The following HELZ variants were observed in gnomAD, a reference collection of about 807,000 sequenced individuals.
HELZ encodes ATP-dependent RNA helicase with zinc finger domain.
HELZ carries 23 observed loss-of-function variants against 218.2 expected under a neutral mutation model. The ratio of observed to expected loss-of-function variants is 0.11; its 90% CI spans 0.08 to 0.15. HELZ has a LOEUF of 0.15. HELZ is among the 10% of genes least tolerant of loss of function. The probability of loss-of-function intolerance (pLI) is 1.00; values close to 1 mark genes in which losing one functional copy is unlikely to be tolerated. For synonymous variants in HELZ, 814 were observed against 829.4 expected (o/e 0.98, Z 0.32); for missense variants, 1,813 against 2,353.7 (o/e 0.77, Z 4.75).
rs932990058 is a variant in HELZ at position 67,074,522 on chromosome 17, G to A, written c.*3730C>T. ...CCCTGACTCTTAACAAAGGTGGCTC[G>A]CTCTAGCTAAGGGGGCTAGAGAAAC... On this transcript the variant is annotated 3_prime_UTR_variant, in exon 33 of 33. Coordinates refer to ENST00000358691, the MANE Select transcript of HELZ (RefSeq NM_014877.4). 6 of 152,184 alleles carry A rather than the reference G, an allele frequency of 3.9e-5. No homozygotes were observed. The South Asian group carries it at 6.2e-4, about 16-fold the overall frequency. 9.4% of individuals were successfully genotyped at this position (152,184 alleles called of 1,614,324 possible). A position where few individuals can be genotyped will look rare whatever the true frequency, so the allele number is the denominator to read the frequency against.
intron 5 of HELZ, among the ~76,000 whole-genome samples, chr17:67,210,729 C>G (rs1428010942): frequency 6.6e-6 from 1 of 152,096 alleles, no homozygotes; most frequent in Non-Finnish European, 1.5e-5. Flanking sequence ...GGAGACCATC[C>G]TGGCCAACAT....
chr17:67,122,621 TC>T (rs1230967574), intron 26 of HELZ, among the ~76,000 whole-genome samples: 1 of 151,482 alleles, frequency 6.6e-6, no homozygotes, highest in Admixed American at 6.6e-5. Context: ...GGCAGGAGAA[TC>T]GCTTGAACCC....
At chr17:67,105,127 C>T (rs905159654) in intron 31 of HELZ, among the ~76,000 whole-genome samples, 1 of 152,046 alleles carries the variant, frequency 6.6e-6, no homozygotes, top group Non-Finnish European at 1.5e-5. Flanking sequence ...AGTGCGACTC[C>T]GTGTCAAAAA....
chr17:67,202,230 T>C (rs1567887388), intron 6 of HELZ, among the ~76,000 whole-genome samples: 1 of 145,754 alleles, frequency 6.9e-6, no homozygotes, highest in African/African-American at 2.5e-5. Context: ...CGAACTGGTT[T>C]AAAAAAAAAA....
At position 67,109,719 on chromosome 17, in the gene HELZ, A is replaced by C. The variant is rs761920649; in HGVS notation, c.3919-33T>G. ...AAAAGAAGAAGCCTTTTTTAACTGC[A>C]GAAGATTCAAATTCAGTTGCTCTCC... On this transcript the variant is annotated intron_variant, in intron 28 of 32. Coordinates refer to ENST00000358691, the MANE Select transcript of HELZ (RefSeq NM_014877.4). 4 of 1,519,752 alleles carry C rather than the reference A, an allele frequency of 2.6e-6. No homozygotes were observed. The South Asian group carries it at 4.9e-5, about 18-fold the overall frequency. 94.1% of individuals were successfully genotyped at this position (1,519,752 alleles called of 1,614,324 possible).
chr17:67,167,846 T>C (rs1207075155), intron 13 of HELZ, 50 bp from the exon 14 acceptor site: 1 of 1,229,160 alleles, frequency 8.1e-7, no homozygotes, highest in South Asian at 1.4e-5. Context: ...CAAAAATATA[T>C]AAAAACTAGA....
intron 23 of HELZ, 108 bp downstream of exon 23, chr17:67,135,862 A>G (rs2038133100): frequency 2.3e-6 from 2 of 856,692 alleles, no homozygotes; most frequent in South Asian, 1.8e-5. Flanking sequence ...TCAGGCTACA[A>G]TAAACCTGTT....
Position 67,073,605 on chromosome 17 carries a change from T to G in HELZ, c.*4647A>C, listed in dbSNP as rs755274835. The stretch of plus-strand genomic sequence containing the variant: ...CATTTCTAAGTCTAGATTCTTCTAT[T>G]AGGTACCTCCCTCCAAAAAATTTTT... On this transcript the variant is annotated 3_prime_UTR_variant, in exon 33 of 33. Coordinates refer to ENST00000358691, the MANE Select transcript of HELZ (RefSeq NM_014877.4). 3.3e-5 allele frequency: 5 copies of G among 152,210 alleles called. No homozygotes were observed. Among genetic ancestry groups the G allele is most frequent in the Non-Finnish European group, 5.9e-5 (4 of 68,036 alleles). 9.4% of individuals were successfully genotyped at this position (152,210 alleles called of 1,614,324 possible). A position where few individuals can be genotyped will look rare whatever the true frequency, so the allele number is the denominator to read the frequency against.
intron 3 of HELZ, among the ~76,000 whole-genome samples, chr17:67,232,778 C>T (rs1295888223): frequency 6.6e-6 from 1 of 152,204 alleles, no homozygotes; most frequent in Non-Finnish European, 1.5e-5. Flanking sequence ...GCATTGATTA[C>T]ACTCTTCTTT....
chr17:67,203,798 A>G (rs759025432), intron 5 of HELZ, among the ~76,000 whole-genome samples: 5 of 152,184 alleles, frequency 3.3e-5, no homozygotes, highest in Non-Finnish European at 4.4e-5. Context: ...TTTTACAGTG[A>G]CATAAGACTG....
At chr17:67,150,320 A>G in intron 18 of HELZ, among the ~76,000 whole-genome samples, 1 of 151,444 alleles carries the variant, frequency 6.6e-6, no homozygotes, top group Non-Finnish European at 1.5e-5. Flanking sequence ...TTGTAGAGAT[A>G]AGGTTTCACT....
At chr17:67,138,204 C>A in intron 21 of HELZ, 90 bp from the exon 22 acceptor site, 2 of 1,090,214 alleles carry the variant, frequency 1.8e-6, no homozygotes, top group South Asian at 3.1e-5. Flanking sequence ...TATAAAGGAT[C>A]CCATTTTAGC....
intron 13 of HELZ, among the ~76,000 whole-genome samples, chr17:67,175,428 A>G (rs1378021448): frequency 6.6e-6 from 1 of 152,232 alleles, no homozygotes; most frequent in Non-Finnish European, 1.5e-5. Context: ...AATCAAATGT[A>G]AATTAAATTC....
Position 67,078,297 on chromosome 17 carries a change from T to C in HELZ, c.5784A>G (p.Leu1928=), listed in dbSNP as rs1440855331. ...DPLSLFQELS[L]GSSSGSNGFY... ...AGCCATTGCTGCCAGATGAGCTCCC[T>C]AGGCTCAGTTCCTGGAAGAGAGACA... Residue 1928 remains leucine, a synonymous_variant, in exon 33 of 33, where the codon CTA becomes CTG. Transcript: ENST00000358691. 1.9e-6 allele frequency: 3 copies of C among 1,614,024 alleles called. No individual in the cohort carries two copies. Among genetic ancestry groups the C allele is most frequent in the African/African-American group, 1.3e-5 (1 of 75,054 alleles).
At chr17:67,161,655 G>A (rs1324228584) in intron 15 of HELZ, among the ~76,000 whole-genome samples, 1 of 152,094 alleles carries the variant, frequency 6.6e-6, no homozygotes, top group Non-Finnish European at 1.5e-5. Flanking sequence ...GGCATAAAAA[G>A]CCAAACAAAA....
At chr17:67,101,355 C>T (rs1314706515) in intron 31 of HELZ, among the ~76,000 whole-genome samples, 1 of 151,922 alleles carries the variant, frequency 6.6e-6, no homozygotes, top group Admixed American at 6.6e-5. Context: ...CCCTCCTCCC[C>T]CATCCACTCC....
chr17:67,078,769 T>A, intron 32 of HELZ, among the ~76,000 whole-genome samples, 183 bp from the exon 33 acceptor site: 1 of 152,036 alleles, frequency 6.6e-6, no homozygotes. Context: ...AACGTCCCTA[T>A]CTTATAGACA....
At chr17:67,221,882 A>G (rs2143335333) in intron 3 of HELZ, among the ~76,000 whole-genome samples, 1 of 149,438 alleles carries the variant, frequency 6.7e-6, no homozygotes, top group East Asian at 2.0e-4. Flanking sequence ...CTCGCTGCGC[A>G]GCCCATGCTG....
intron 4 of HELZ, among the ~76,000 whole-genome samples, chr17:67,217,286 A>G (rs543530805): frequency 6.6e-4 from 101 of 152,264 alleles, no homozygotes; most frequent in African/African-American, 2.4e-3. Flanking sequence ...GCTCCCCCTC[A>G]TTCCCTGCAT....
Sources: gnomAD v4.1 joint callset for allele counts (sites outside exome capture counted in the v4.1 genomes callset) on GRCh38, gnomAD v4.1.1 for gene constraint, MANE v1.5 for transcripts, NCBI Gene and HGNC (gene_info 2026-07-23, HGNC 2026-07-21) for gene names.